Variants in LMF1 observed in about 807,000 individuals in gnomAD.
The protein encoded by LMF1 is lipase maturation factor 1.
A neutral mutation model predicts 60.6 loss-of-function variants in LMF1; 68 were observed. The ratio of observed to expected loss-of-function variants is 1.12; its 90% CI spans 0.92 to 1.37. The LOEUF (loss-of-function observed/expected upper bound fraction) is 1.37, where lower values mean the gene tolerates loss of function less well. Ranked by LOEUF, LMF1 falls within the 40% of genes most tolerant of loss-of-function variation. The pLI, the probability that LMF1 is intolerant of heterozygous loss-of-function variation, is 0.00. For synonymous variants in LMF1, 418 were observed against 324.7 expected (o/e 1.29, Z -3.09); for missense variants, 948 against 767.2 (o/e 1.24, Z -2.78).
At chr16:869,117 C>T (rs1220971442) in intron 9 of LMF1, 61 bp from the exon 10 acceptor site, 13 of 1,119,648 alleles carry the variant, frequency 1.2e-5, no homozygotes, top group South Asian at 6.2e-5. Context: ...ACAGCCCCTC[C>T]GGACGCTCGG....
At chr16:924,990 C>T (rs71380210) in intron 3 of LMF1, among the ~76,000 whole-genome samples, 9,255 of 152,196 alleles carry the variant, frequency 0.061, 561 homozygotes, top group African/African-American at 0.15. Context: ...CAGCCGGCAG[C>T]GGGGGGTGGA....
chr16:965,673 A>T (rs994135771), intron 1 of LMF1, among the ~76,000 whole-genome samples: 2 of 152,228 alleles, frequency 1.3e-5, no homozygotes, highest in Non-Finnish European at 2.9e-5. Flanking sequence ...CAGCAAAAAG[A>T]GAATCCACCA....
chr16:977,027 G>A lies in LMF1; in HGVS notation c.-135+4118C>T, dbSNP rs117076254. On this transcript the variant is annotated intron_variant, in intron 1 of 6. Transcript: ENST00000570014. ...CATCAGGAGGACCAGGAGGACGTCT[G>A]GGCTGCAGGCAGACGTAAGCTGCAG... is the stretch of plus-strand genomic sequence containing the variant. 3.5e-5 allele frequency: 16 copies of A among 454,190 alleles called. No individual in the cohort carries two copies. The East Asian group carries it at 9.7e-4, about 28-fold the overall frequency. The allele number at this position is 454,190 out of a possible 1,614,324, so 28.1% of individuals were successfully genotyped here.
rs1192420754 is a variant in LMF1 at position 894,313 on chromosome 16, A to ACCG, written c.664-1242_664-1241insCGG. Reference sequence around the variant, plus strand: ...CGCCCACCCATCCCCTGTCCACCGGATCGTCCACCCACCCGTCCCCCTGTC... The same window carrying ACCG: ...CGCCCACCCATCCCCTGTCCACCGGACCGTCGTCCACCCACCCGTCCCCCTGTC... On this transcript the variant is annotated intron_variant, in intron 4 of 10. Coordinates refer to ENST00000262301, the MANE Select transcript of LMF1 (RefSeq NM_022773.4). 1.6e-4 allele frequency among the ~76,000 whole-genome samples: 14 copies of ACCG among 89,548 alleles called. 1 individual carries two copies. The highest frequency in any genetic ancestry group is 6.8e-4 in the East Asian group (2 of 2,932). 58.7% of individuals were successfully genotyped at this position (89,548 alleles called of 152,430 possible). A position where few individuals can be genotyped will look rare whatever the true frequency, so the allele number is the denominator to read the frequency against.
rs536289826 is a variant in LMF1, at chr16:910,782, C to T, written c.663+149G>A. 6.4e-5 allele frequency: 58 copies of T among 913,116 alleles called. No homozygotes were observed. In the African/African-American group the frequency reaches 9.7e-4, roughly 15 times the overall value. The allele number at this position is 913,116 out of a possible 1,614,324, so 56.6% of individuals were successfully genotyped here. On this transcript the variant is annotated intron_variant, in intron 4 of 10. Coordinates refer to ENST00000262301, the MANE Select transcript of LMF1 (RefSeq NM_022773.4). ...ATTCAAACACAGGCCCCTGAAGGGG[C>T]AGAAGAGTGCGCAGCTGGCCAGGCC... is the stretch of plus-strand genomic sequence containing the variant.
At chr16:893,100 C>A (rs1289489995) in intron 4 of LMF1, 28 bp from the exon 5 acceptor site, 1 of 1,544,958 alleles carries the variant, frequency 6.5e-7, no homozygotes, top group Non-Finnish European at 8.8e-7. Flanking sequence ...GAGGGAGAGT[C>A]AGTCACAGGG....
At chr16:928,509 G>T (rs951353059) in intron 3 of LMF1, among the ~76,000 whole-genome samples, 53 of 152,268 alleles carry the variant, frequency 3.5e-4, no homozygotes, top group Middle Eastern at 3.4e-3. Flanking sequence ...GAATATCCTG[G>T]GAAGGTGGAG....
intron 3 of LMF1, among the ~76,000 whole-genome samples, chr16:929,650 G>A (rs948834570): frequency 1.3e-5 from 2 of 152,166 alleles, no homozygotes; most frequent in African/African-American, 2.4e-5. Flanking sequence ...TCGGGGCTGC[G>A]GAATTCATTA....
chr16:919,344 C>T lies in LMF1; in HGVS notation c.515-8265G>A, dbSNP rs183551669. Among the ~76,000 whole-genome samples the T allele has an allele frequency of 5.6e-3, 849 of 152,250 alleles. 11 individuals carry two copies. The highest frequency in any genetic ancestry group is 0.02 in the African/African-American group (812 of 41,530). On this transcript the variant is annotated intron_variant, in intron 3 of 10. Transcript: ENST00000262301. ...GGGCGGGAATCACCCCACATGCCCG[C>T]GGCAGGGGGCAGGGCAGCCCTGTGG...
intron 10 of LMF1, among the ~76,000 whole-genome samples, chr16:857,390 G>A (rs577578420): frequency 6.6e-6 from 1 of 152,272 alleles, no homozygotes; most frequent in East Asian, 1.9e-4. Context: ...AGCATGTGGG[G>A]TTGTTGCTAC....
At chr16:885,132 A>G (rs2070268570) in intron 5 of LMF1, 1 of 152,254 alleles carries the variant, frequency 6.6e-6, no homozygotes, top group African/African-American at 2.4e-5. Flanking sequence ...ATTGTTGTAA[A>G]ATTCTTTCAG....
At chr16:912,593 C>T (rs2071153496) in intron 3 of LMF1, among the ~76,000 whole-genome samples, 1 of 152,148 alleles carries the variant, frequency 6.6e-6, no homozygotes, top group African/African-American at 2.4e-5. Context: ...CTTATGCTGC[C>T]CCGGCTTATG....
At chr16:974,177 C>T (rs896033836), upstream of LMF1, among the ~76,000 whole-genome samples, 1 of 152,200 alleles carries the variant, frequency 6.6e-6, no homozygotes, top group Non-Finnish European at 1.5e-5. Context: ...TTAAAAATAA[C>T]ATTTAGATAC....
Position 879,705 on chromosome 16 carries a change from G to A in LMF1, c.762C>T (p.Tyr254=), listed in dbSNP as rs1161991404. Residue 254 remains tyrosine, a synonymous_variant, in exon 6 of 11, where the codon TAC becomes TAT. Transcript: ENST00000262301. ...TQPMPNPVAY[Y]LHHSPWWFHR... The stretch of plus-strand genomic sequence containing the variant: ...GGAACCACCAGGGTGAGTGGTGCAG[G>A]TAGTACGCCACAGGATTGGGCATCG... 6 of 1,601,082 alleles carry A rather than the reference G, an allele frequency of 3.7e-6. No homozygotes were observed. Among genetic ancestry groups the A allele is most frequent in the East Asian group, 2.3e-5 (1 of 44,326 alleles).
At chr16:976,996 C>T (rs1006953795) in intron 1 of LMF1, 11 of 453,678 alleles carry the variant, frequency 2.4e-5, no homozygotes, top group East Asian at 7.0e-5. Context: ...CCGTGGAGGT[C>T]GGGGGCATCA....
chr16:859,990 T>C (rs1171528425), intron 10 of LMF1, among the ~76,000 whole-genome samples: 5 of 151,314 alleles, frequency 3.3e-5, no homozygotes, highest in African/African-American at 4.9e-5. Context: ...AGTGGTGTTA[T>C]GGTGGTTTTT....
intron 3 of LMF1, among the ~76,000 whole-genome samples, chr16:919,606 A>G (rs111961667): frequency 0.027 from 1,878 of 68,954 alleles, 22 homozygotes; most frequent in South Asian, 0.21. Context: ...GGGCGTCTGG[A>G]CCGCAGTCTC....
intron 3 of LMF1, among the ~76,000 whole-genome samples, chr16:925,613 T>G (rs1392002531): frequency 2.0e-5 from 3 of 152,182 alleles, no homozygotes; most frequent in Non-Finnish European, 4.4e-5. Flanking sequence ...TTCATGCCTG[T>G]GGTCCTAGCT....
chr16:879,579 G>A lies in LMF1; in HGVS notation c.888C>T (p.Ile296=), dbSNP rs371355218. The change falls in exon 6 of 11, where the codon ATC becomes ATT. Residue 296 remains isoleucine (I), a synonymous_variant. Coordinates refer to ENST00000262301, the MANE Select transcript of LMF1 (RefSeq NM_022773.4). The part of the protein sequence containing the change: ...RACIIHGVLQ[I]LFQAVLIVSG... ...GGCGGCGCGGGCTCACCTGGAACAG[G>A]ATCTGCAGCACCCCGTGGATGATGC... 2 of 1,612,958 alleles carry A rather than the reference G, an allele frequency of 1.2e-6. No homozygotes were observed. Among genetic ancestry groups the A allele is most frequent in the Non-Finnish European group, 1.7e-6 (2 of 1,179,714 alleles).
Sources: allele counts gnomAD v4.1 joint callset (sites outside exome capture counted in the v4.1 genomes callset), GRCh38; gene constraint gnomAD v4.1.1; transcripts MANE v1.5; gene names NCBI Gene and HGNC (gene_info 2026-07-23, HGNC 2026-07-21).